The following HAUS5 variants were observed in gnomAD, a reference collection of about 807,000 sequenced individuals.
The protein encoded by HAUS5 is HAUS augmin-like complex subunit 5.
A neutral mutation model predicts 94.1 loss-of-function variants in HAUS5; 67 were observed. The ratio of observed to expected loss-of-function variants is 0.71; its 90% CI spans 0.58 to 0.87. The LOEUF (loss-of-function observed/expected upper bound fraction) is 0.87. Ranked by LOEUF, HAUS5 falls within the 40% of genes least tolerant of loss-of-function variation. The probability of loss-of-function intolerance (pLI) is 0.00; values close to 1 mark genes in which losing one functional copy is unlikely to be tolerated. For synonymous variants in HAUS5, 339 were observed against 355.4 expected (o/e 0.95, Z 0.52); for missense variants, 739 against 825.6 (o/e 0.90, Z 1.29).
At position 35,619,035 on chromosome 19, in the gene HAUS5, TG is replaced by T; in HGVS notation, c.1167del (p.Trp389CysfsTer34). On this transcript the variant is annotated frameshift_variant, in exon 13 of 19. Transcript: ENST00000203166. LOFTEE classifies it high-confidence loss of function. ...LQAKQQRILH[W>X]RQLVEETQEQ... ...GGCCAAACAGCAGCGGATCCTGCAC[TG>T]GCGCCAGCTGGTGGTGAGAGGCTAG... The T allele has an allele frequency of 6.3e-7, 1 of 1,592,202 alleles. No individual in the cohort carries two copies. The highest frequency in any genetic ancestry group is 8.5e-7 in the Non-Finnish European group (1 of 1,170,538).
In HAUS5 at chr19:35,619,025, G is replaced by T; in HGVS notation, c.1155G>T (p.Arg385=). The T allele has an allele frequency of 6.2e-7, 1 of 1,602,310 alleles. No homozygotes were observed. Among genetic ancestry groups the T allele is most frequent in the Non-Finnish European group, 8.5e-7 (1 of 1,175,308 alleles). ...GGGAGCTACAGGCCAAACAGCAGCG[G>T]ATCCTGCACTGGCGCCAGCTGGTGG... is the stretch of plus-strand genomic sequence containing the variant. ...LLRELQAKQQ[R]ILHWRQLVEE... The change falls in exon 13 of 19, where the codon CGG becomes CGT. Residue 385 remains arginine, a synonymous_variant. Transcript: ENST00000203166.
In HAUS5 at chr19:35,622,998, A is replaced by C. The variant is rs1317576653; in HGVS notation, c.*5A>C. ...CTGCAGAAGCTGTGCAGCTGAAGAG[A>C]GGGTTCAAACGGAAGCCGAGAACTT... is the stretch of plus-strand genomic sequence containing the variant. On this transcript the variant is annotated 3_prime_UTR_variant, in exon 19 of 19. Coordinates refer to ENST00000203166, the MANE Select transcript of HAUS5 (RefSeq NM_015302.2). 1.3e-6 allele frequency: 2 copies of C among 1,588,182 alleles called. No homozygotes were observed. Among genetic ancestry groups the C allele is most frequent in the South Asian group, 2.2e-5 (2 of 90,268 alleles).
At chr19:35,613,126 T>G (rs2071910016) in intron 1 of HAUS5, among the ~76,000 whole-genome samples, 1 of 152,024 alleles carries the variant, frequency 6.6e-6, no homozygotes, top group Non-Finnish European at 1.5e-5. Flanking sequence ...ATCTCCAGAG[T>G]GAGGCTGTCC....
intron 13 of HAUS5, 147 bp from the exon 14 acceptor site, chr19:35,619,277 A>T (rs1967163885): frequency 1.4e-6 from 1 of 724,834 alleles, no homozygotes; most frequent in Non-Finnish European, 2.2e-6. Flanking sequence ...CTTAAAAAAA[A>T]AGAATGCTGT....
At position 35,619,015 on chromosome 19, in the gene HAUS5, A is replaced by C; in HGVS notation, c.1145A>C (p.Lys382Thr). The change falls in exon 13 of 19, where the codon AAA becomes ACA. Residue 382 changes from lysine to threonine, a missense_variant. Lys to Thr is a moderately conservative substitution (Grantham distance 78, BLOSUM62 -1). Coordinates refer to ENST00000203166, the MANE Select transcript of HAUS5 (RefSeq NM_015302.2). The part of the protein sequence containing the change: ...RQLLLRELQA[K>T]QQRILHWRQL... ...CTCCTGCTGAGGGAGCTACAGGCCA[A>C]ACAGCAGCGGATCCTGCACTGGCGC... 1 of 1,608,912 alleles carries C rather than the reference A, an allele frequency of 6.2e-7. No homozygotes were observed. The highest frequency in any genetic ancestry group is 8.5e-7 in the Non-Finnish European group (1 of 1,178,272).
At chr19:35,619,090 G>T in intron 13 of HAUS5, 41 bp downstream of exon 13, 1 of 1,515,774 alleles carries the variant, frequency 6.6e-7, no homozygotes. Flanking sequence ...GGCCAGAGGG[G>T]AGGCTTGAAA....
At position 35,619,010 on chromosome 19, in the gene HAUS5, G is replaced by T; in HGVS notation, c.1140G>T (p.Gln380His). 1.2e-6 allele frequency: 2 copies of T among 1,610,090 alleles called. No individual in the cohort carries two copies. The highest frequency in any genetic ancestry group is 1.7e-6 in the Non-Finnish European group (2 of 1,178,774). ...GGCAGCTCCTGCTGAGGGAGCTACA[G>T]GCCAAACAGCAGCGGATCCTGCACT... ...GHRQLLLRELQAKQQRILHWR... is the reference protein window; with the variant it reads ...GHRQLLLRELHAKQQRILHWR... Residue 380 changes from glutamine to histidine, a missense_variant, in exon 13 of 19, where the codon CAG becomes CAT. By Grantham distance (24) the Gln-to-His change is conservative. Coordinates refer to ENST00000203166, the MANE Select transcript of HAUS5 (RefSeq NM_015302.2).
Position 35,624,404 on chromosome 19 carries a change from C to T in HAUS5, c.*1411C>T, listed in dbSNP as rs1967273166. ...ACAGGCATGAGCCACCGCGCCTGAC[C>T]ACATTGCCATATCTGAAATGGCTGG... On this transcript the variant is annotated 3_prime_UTR_variant, in exon 19 of 19. Transcript: ENST00000203166. 1 of 151,904 alleles carries T rather than the reference C, an allele frequency of 6.6e-6. No individual in the cohort carries two copies. Among genetic ancestry groups the T allele is most frequent in the Non-Finnish European group, 1.5e-5 (1 of 68,028 alleles). The allele number at this position is 151,904 out of a possible 1,614,324, so 9.4% of individuals were successfully genotyped here.
intron 4 of HAUS5, 45 bp from the exon 5 acceptor site, chr19:35,614,997 C>T: frequency 6.9e-7 from 1 of 1,447,414 alleles, no homozygotes; most frequent in Non-Finnish European, 9.5e-7. Context: ...ACAGGCCAGG[C>T]TGAGCCCCGA....
Position 35,624,443 on chromosome 19 carries a change from C to CTTTTCT in HAUS5, c.*1459_*1464dup, listed in dbSNP as rs147428237. 0.65 allele frequency: 97,896 copies of CTTTTCT among 150,122 alleles called. 32,717 individuals carry two copies. Among genetic ancestry groups the CTTTTCT allele is most frequent in the East Asian group, 0.79 (3,988 of 5,036 alleles). 9.3% of individuals were successfully genotyped at this position (150,122 alleles called of 1,614,324 possible). A position where few individuals can be genotyped will look rare whatever the true frequency, so the allele number is the denominator to read the frequency against. On this transcript the variant is annotated 3_prime_UTR_variant, in exon 19 of 19. Coordinates refer to ENST00000203166, the MANE Select transcript of HAUS5 (RefSeq NM_015302.2). The stretch of plus-strand genomic sequence containing the variant: ...TGAAATGGCTGGATTCTCTTAGGTG[C>CTTTTCT]TTTTCTTTTTCTTTCTTTCTTTCTT...
intron 17 of HAUS5, among the ~76,000 whole-genome samples, chr19:35,621,804 C>T (rs1414898382): frequency 2.0e-5 from 3 of 152,124 alleles, no homozygotes; most frequent in Non-Finnish European, 2.9e-5. Flanking sequence ...TGACAGCAGA[C>T]GGAGCTGAAC....
intron 3 of HAUS5, 37 bp downstream of exon 3, chr19:35,613,937 C>T (rs2071917926): frequency 6.2e-7 from 1 of 1,612,080 alleles, no homozygotes; most frequent in African/African-American, 1.3e-5. Context: ...CCTGTCTTCC[C>T]CACTCCCATT....
chr19:35,620,629 G>A (rs535448509), intron 17 of HAUS5, among the ~76,000 whole-genome samples: 38 of 152,258 alleles, frequency 2.5e-4, no homozygotes, highest in Middle Eastern at 3.4e-3. Flanking sequence ...CTACACTGCC[G>A]TCGACTTTCC....
Position 35,625,324 on chromosome 19 carries a change from A to G in HAUS5, c.*2331A>G, listed in dbSNP as rs1327472993. The G allele has an allele frequency of 6.6e-6, 1 of 152,216 alleles. No homozygotes were observed. The highest frequency in any genetic ancestry group is 1.5e-5 in the Non-Finnish European group (1 of 68,048). The allele number at this position is 152,216 out of a possible 1,614,324, so 9.4% of individuals were successfully genotyped here. A position where few individuals can be genotyped will look rare whatever the true frequency, so the allele number is the denominator to read the frequency against. On this transcript the variant is annotated 3_prime_UTR_variant, in exon 19 of 19. Coordinates refer to ENST00000203166, the MANE Select transcript of HAUS5 (RefSeq NM_015302.2). The stretch of plus-strand genomic sequence containing the variant: ...CTTTCACATGAATTGGAAATATCAG[A>G]ATAAAGTCATGATTTTTCTCTTTCT...
At position 35,618,947 on chromosome 19, in the gene HAUS5, C is replaced by G. The variant is rs562595358; in HGVS notation, c.1077C>G (p.His359Gln). The change falls in exon 13 of 19, where the codon CAC becomes CAG. Residue 359 changes from histidine (H) to glutamine (Q), a missense_variant. Physicochemically the swap from His to Gln is conservative, Grantham distance 24. Transcript: ENST00000203166. ...CCLWTELKALHDQSQELQDAA... is the reference protein window; with the variant it reads ...CCLWTELKALQDQSQELQDAA... ...TGTGGACGGAGCTCAAGGCCCTGCA[C>G]GATCAGAGCCAGGAGCTGCAGGATG... 2 of 1,613,594 alleles carry G rather than the reference C, an allele frequency of 1.2e-6. No individual in the cohort carries two copies.
In HAUS5 at chr19:35,613,797, G is replaced by T. The variant is rs753532980; in HGVS notation, c.161+5G>T. 1 of 1,614,196 alleles carries T rather than the reference G, an allele frequency of 6.2e-7. No homozygotes were observed. Among genetic ancestry groups the T allele is most frequent in the South Asian group, 1.1e-5 (1 of 91,092 alleles). ...GCAGCATGTGCACAGTCAGAGGTAA[G>T]CTGGGCTAGAGCAGGGGAGGGGGCA... is the stretch of plus-strand genomic sequence containing the variant. On this transcript the variant is annotated splice_donor_5th_base_variant and intron_variant, in intron 2 of 18. Coordinates refer to ENST00000203166, the MANE Select transcript of HAUS5 (RefSeq NM_015302.2).
At chr19:35,621,043 A>T (rs901881790) in intron 17 of HAUS5, among the ~76,000 whole-genome samples, 1 of 152,242 alleles carries the variant, frequency 6.6e-6, no homozygotes, top group Non-Finnish European at 1.5e-5. Flanking sequence ...AGATGGCTTG[A>T]TGGGGAGTGA....
In HAUS5 at chr19:35,619,430, AC is replaced by A; in HGVS notation, c.1189del (p.Gln397ArgfsTer26). 6.3e-7 allele frequency: 1 copy of A among 1,592,514 alleles called. No homozygotes were observed. Among genetic ancestry groups the A allele is most frequent in the Non-Finnish European group, 8.6e-7 (1 of 1,167,580 alleles). ...ILHWRQLVEE[T>X]QEQVRLLIKG... is the part of the protein sequence containing the mutation. ...GGGTATCCTGGTTCCTCAGGAGGAG[AC>A]CCAGGAACAGGTCCGCCTGCTCATC... is the stretch of plus-strand genomic sequence containing the variant. On this transcript the variant is annotated frameshift_variant, in exon 14 of 19. Coordinates refer to ENST00000203166, the MANE Select transcript of HAUS5 (RefSeq NM_015302.2). LOFTEE classifies it high-confidence loss of function.
chr19:35,612,905 C>T lies in HAUS5; in HGVS notation c.98+13C>T. On this transcript the variant is annotated intron_variant, in intron 1 of 18. Coordinates refer to ENST00000203166, the MANE Select transcript of HAUS5 (RefSeq NM_015302.2). ...CGACGCTGCGCAGGTGAGGACCGCT[C>T]CTGGAGTGAGGACACCCCACCCTGG... 1 of 1,504,066 alleles carries T rather than the reference C, an allele frequency of 6.6e-7. No homozygotes were observed. The highest frequency in any genetic ancestry group is 1.3e-5 in the South Asian group (1 of 79,644). 93.2% of individuals were successfully genotyped at this position (1,504,066 alleles called of 1,614,324 possible). A position where few individuals can be genotyped will look rare whatever the true frequency, so the allele number is the denominator to read the frequency against.
Sources: allele counts gnomAD v4.1 joint callset (sites outside exome capture counted in the v4.1 genomes callset), GRCh38; gene constraint gnomAD v4.1.1; transcripts MANE v1.5; gene names NCBI Gene and HGNC (gene_info 2026-07-23, HGNC 2026-07-21).